Variants in CFAP299 observed in about 807,000 individuals in gnomAD.
CFAP299 encodes cilia- and flagella-associated protein 299.
In CFAP299, 21 loss-of-function variants were observed where a neutral mutation model predicts 27.0. That is an observed-to-expected ratio of 0.78 (90% confidence interval 0.55 to 1.12). The LOEUF (loss-of-function observed/expected upper bound fraction) is 1.12, where lower values mean the gene tolerates loss of function less well. Ranked by LOEUF, CFAP299 falls within the 50% of genes most tolerant of loss-of-function variation. The pLI, the probability that CFAP299 is intolerant of heterozygous loss-of-function variation, is 0.00. For missense variants in CFAP299, 310 were observed against 276.6 expected (o/e 1.12, Z -0.86); for synonymous variants, 104 against 98.1 (o/e 1.06, Z -0.36).
Position 80,763,592 on chromosome 4 carries a change from C to T in CFAP299, c.334-106401C>T, listed in dbSNP as rs1371021632. Among the ~76,000 whole-genome samples the T allele has an allele frequency of 2.0e-5, 3 of 152,032 alleles. No individual in the cohort carries two copies. The East Asian group carries it at 5.8e-4, about 29-fold the overall frequency. On this transcript the variant is annotated intron_variant, in intron 3 of 5. Transcript: ENST00000358105. ...AATATCATTGACTTTCTTCACAGGA[C>T]TAGAAAAAACTACTTTAAATTTTGT...
intron 2 of CFAP299, among the ~76,000 whole-genome samples, chr4:80,523,762 G>T (rs1348518021): frequency 1.3e-5 from 2 of 152,136 alleles, no homozygotes; most frequent in African/African-American, 4.8e-5. Flanking sequence ...ACAGCTTGCA[G>T]ATGGCAGATT....
chr4:80,377,104 T>C (rs1025801940), intron 2 of CFAP299, among the ~76,000 whole-genome samples: 3 of 152,166 alleles, frequency 2.0e-5, no homozygotes, highest in Admixed American at 2.0e-4. Context: ...GAAGAGTAGA[T>C]TTAAATTTTG....
chr4:80,678,249 T>C (rs961504061), intron 3 of CFAP299, among the ~76,000 whole-genome samples: 7 of 152,042 alleles, frequency 4.6e-5, no homozygotes, highest in African/African-American at 1.7e-4. Context: ...AAGCTACTAC[T>C]CTGTTCTTTT....
At chr4:80,386,512 TGG>T (rs151251894) in intron 2 of CFAP299, 238,987 of 1,469,128 alleles carry the variant, frequency 0.16, 20,886 homozygotes, top group African/African-American at 0.4. Context: ...CGGGCGGTGG[TGG>T]GGGGGGGGGG....
intron 3 of CFAP299, among the ~76,000 whole-genome samples, chr4:80,714,775 T>G (rs1342845407): frequency 6.6e-6 from 1 of 152,076 alleles, no homozygotes; most frequent in Non-Finnish European, 1.5e-5. Flanking sequence ...ATCCCAGAAC[T>G]TGGAAAAGAG....
chr4:80,727,782 A>G (rs1723243667), intron 3 of CFAP299, among the ~76,000 whole-genome samples: 1 of 151,958 alleles, frequency 6.6e-6, no homozygotes, highest in African/African-American at 2.4e-5. Context: ...CTGTCATTAC[A>G]TTTGGGACAG....
intron 3 of CFAP299, among the ~76,000 whole-genome samples, chr4:80,819,984 T>G (rs925001517): frequency 6.6e-6 from 1 of 152,088 alleles, no homozygotes; most frequent in East Asian, 1.9e-4. Context: ...TGTTGTTGTT[T>G]TTGTTTTTAA....
intron 3 of CFAP299, among the ~76,000 whole-genome samples, chr4:80,834,688 C>G (rs1241309871): frequency 6.6e-6 from 1 of 152,156 alleles, no homozygotes; most frequent in Non-Finnish European, 1.5e-5. Flanking sequence ...TTATATTGGA[C>G]TAATAAATTA....
intron 3 of CFAP299, among the ~76,000 whole-genome samples, chr4:80,679,463 G>T (rs1489421825): frequency 6.6e-6 from 1 of 151,856 alleles, no homozygotes; most frequent in Admixed American, 6.6e-5. Flanking sequence ...ATGTAGTATG[G>T]CAAGTGCACG....
rs56300395 is a variant in CFAP299, at chr4:80,364,089, A to AACAC, written c.242+1231_242+1234dup. Among the ~76,000 whole-genome samples the AACAC allele has an allele frequency of 4.0e-3, 441 of 110,878 alleles. 8 individuals carry two copies. The highest frequency in any genetic ancestry group is 7.7e-3 in the Admixed American group (86 of 11,140). The allele number at this position is 110,878 out of a possible 152,430, so 72.7% of individuals were successfully genotyped here. On this transcript the variant is annotated intron_variant, in intron 2 of 5. Coordinates refer to ENST00000358105, the MANE Select transcript of CFAP299 (RefSeq NM_152770.3). ...GCAACAGAGCGAGACTCCGTCTCAA[A>AACAC]ACACACACACACACACACACACACA...
intron 3 of CFAP299, 34 bp downstream of exon 3, chr4:80,583,217 T>C: frequency 8.0e-7 from 1 of 1,245,468 alleles, no homozygotes; most frequent in Non-Finnish European, 1.2e-6. Context: ...TTAAAATGTA[T>C]ACACTAAATG....
chr4:80,820,926 G>T (rs1729670659), intron 3 of CFAP299, among the ~76,000 whole-genome samples: 1 of 152,142 alleles, frequency 6.6e-6, no homozygotes, highest in African/African-American at 2.4e-5. Flanking sequence ...CTGAGAAATT[G>T]TGTAAGTACT....
At chr4:80,666,960 C>A (rs1422873424) in intron 3 of CFAP299, among the ~76,000 whole-genome samples, 1 of 152,162 alleles carries the variant, frequency 6.6e-6, no homozygotes, top group Non-Finnish European at 1.5e-5. Flanking sequence ...TACATAGCAT[C>A]CAAACTTGAT....
At chr4:80,779,404 G>A (rs1726742760) in intron 3 of CFAP299, among the ~76,000 whole-genome samples, 1 of 152,016 alleles carries the variant, frequency 6.6e-6, no homozygotes, top group Non-Finnish European at 1.5e-5. Context: ...ACCTAGCAAT[G>A]TATCCTACTT....
rs151218019 is a variant in CFAP299, at chr4:80,715,256, G to T, written c.333+132073G>T. Among the ~76,000 whole-genome samples, 365 of 152,160 alleles carry T rather than the reference G, an allele frequency of 2.4e-3. 1 individual carries two copies. Among genetic ancestry groups the T allele is most frequent in the African/African-American group, 8.4e-3 (347 of 41,538 alleles). ...ATTCTGAAACTTGGCTATGTGATTT[G>T]GTTGGAACATAGTAAAGAAATACAA... On this transcript the variant is annotated intron_variant, in intron 3 of 5. Transcript: ENST00000358105.
At chr4:80,798,877 C>G (rs2110104288) in intron 3 of CFAP299, among the ~76,000 whole-genome samples, 1 of 151,792 alleles carries the variant, frequency 6.6e-6, no homozygotes, top group South Asian at 2.1e-4. Flanking sequence ...GCATAACTCT[C>G]TAAACAGTTA....
chr4:80,673,304 A>C (rs1421513184), intron 3 of CFAP299, among the ~76,000 whole-genome samples: 1 of 152,102 alleles, frequency 6.6e-6, no homozygotes, highest in Non-Finnish European at 1.5e-5. Flanking sequence ...TTCAGTTTCC[A>C]TGTAGTTGAG....
At chr4:80,386,569 A>G in intron 2 of CFAP299, 1 of 1,597,472 alleles carries the variant, frequency 6.3e-7, no homozygotes, top group East Asian at 2.2e-5. Context: ...GGCCGAGACG[A>G]CAGCGGTGAT....
At chr4:80,636,375 T>C (rs1019900815) in intron 3 of CFAP299, among the ~76,000 whole-genome samples, 2 of 152,184 alleles carry the variant, frequency 1.3e-5, no homozygotes, top group African/African-American at 4.8e-5. Context: ...TATAAAAGTT[T>C]ATTTTTCAAA....
Sources: allele counts gnomAD v4.1 joint callset (sites outside exome capture counted in the v4.1 genomes callset), GRCh38; gene constraint gnomAD v4.1.1; transcripts MANE v1.5; gene names NCBI Gene and HGNC (gene_info 2026-07-23, HGNC 2026-07-21).